RAP1A: variants seen among roughly 807,000 people sequenced by gnomAD.
RAP1A encodes the protein ras-related protein Rap-1A.
In RAP1A, 6 loss-of-function variants were observed where a neutral mutation model predicts 26.4. That is an observed-to-expected ratio of 0.23 (90% confidence interval 0.12 to 0.45). The LOEUF is 0.45. Among genes scored for constraint, RAP1A ranks in the 20% least tolerant of loss-of-function variants. RAP1A has a pLI of 0.99. For missense variants in RAP1A, 121 were observed against 217.2 expected (o/e 0.56, Z 2.78); for synonymous variants, 73 against 79.4 (o/e 0.92, Z 0.43).
At chr1:111,698,942 CTT>C (rs11454898) in intron 4 of RAP1A, among the ~76,000 whole-genome samples, 1 of 147,004 alleles carries the variant, frequency 6.8e-6, no homozygotes, top group Admixed American at 6.8e-5. Context: ...ATACTTTCTG[CTT>C]TTTTTTTTTT....
intron 2 of RAP1A, among the ~76,000 whole-genome samples, chr1:111,692,500 CCT>C (rs1571566036): frequency 1.3e-5 from 2 of 152,066 alleles, no homozygotes; most frequent in Admixed American, 1.3e-4. Flanking sequence ...TCAGCGATTC[CCT>C]CTCTAAAAAT....
intron 1 of RAP1A, among the ~76,000 whole-genome samples, chr1:111,673,535 A>C (rs1347725521): frequency 6.6e-6 from 1 of 152,248 alleles, no homozygotes; most frequent in Non-Finnish European, 1.5e-5. Context: ...TGAAGGAAGA[A>C]TGAAGAGTTA....
chr1:111,558,365 T>C (rs1008311170), intron 1 of RAP1A, among the ~76,000 whole-genome samples: 12 of 143,154 alleles, frequency 8.4e-5, no homozygotes, highest in Admixed American at 6.9e-4. Context: ...TTTTTTTTTT[T>C]GTCTTAAGAC....
intron 1 of RAP1A, among the ~76,000 whole-genome samples, chr1:111,689,369 C>G (rs1180882396): frequency 6.6e-6 from 1 of 151,886 alleles, no homozygotes; most frequent in Non-Finnish European, 1.5e-5. Context: ...CTCTTATTCT[C>G]ATCACATTTG....
intron 1 of RAP1A, among the ~76,000 whole-genome samples, chr1:111,577,055 G>T (rs1658160033): frequency 6.6e-6 from 1 of 152,152 alleles, no homozygotes; most frequent in Non-Finnish European, 1.5e-5. Flanking sequence ...AATACTTGGG[G>T]ATGTTTATGT....
intron 1 of RAP1A, among the ~76,000 whole-genome samples, chr1:111,551,572 A>C (rs750525697): frequency 2.6e-5 from 4 of 152,096 alleles, no homozygotes; most frequent in African/African-American, 4.8e-5. Context: ...TTCTTAATAC[A>C]TTGTTTTTCC....
chr1:111,578,051 T>C (rs191768418), intron 1 of RAP1A, among the ~76,000 whole-genome samples: 3 of 152,200 alleles, frequency 2.0e-5, no homozygotes, highest in Non-Finnish European at 2.9e-5. Flanking sequence ...AATGTCTAAA[T>C]GGACAAGGAG....
rs542619492 is a variant in RAP1A, at chr1:111,573,207, G to A, written c.-28+30698G>A. Among the ~76,000 whole-genome samples the A allele has an allele frequency of 2.2e-4, 34 of 152,292 alleles. No homozygotes were observed. The South Asian group carries it at 5.8e-3, about 26-fold the overall frequency. On this transcript the variant is annotated intron_variant, in intron 1 of 7. Transcript: ENST00000356415. ...TATTGTGAATAGTGCTCCAATGAAT[G>A]TATGTGTGCATGTGTCCTTATGGTG...
rs78173116 is a variant in RAP1A at position 111,609,240 on chromosome 1, G to A, written c.-28+66731G>A. Among the ~76,000 whole-genome samples the A allele has an allele frequency of 8.2e-3, 1,247 of 152,252 alleles. 7 individuals are homozygous for A. The highest frequency in any genetic ancestry group is 0.013 in the Non-Finnish European group (901 of 68,030). ...TACACCTTGAACCCTGGGTGCAGGA[G>A]GCAAGGGAAGGATTTGAGAATGCTT... On this transcript the variant is annotated intron_variant, in intron 1 of 7. Coordinates refer to the RAP1A transcript ENST00000356415.
intron 1 of RAP1A, among the ~76,000 whole-genome samples, chr1:111,575,029 A>C (rs1051460097): frequency 6.6e-6 from 1 of 152,274 alleles, no homozygotes; most frequent in Non-Finnish European, 1.5e-5. Flanking sequence ...AATGCAAGCC[A>C]CATAGTAAAT....
At chr1:111,608,578 G>A (rs1467163119) in intron 1 of RAP1A, 2 of 171,582 alleles carry the variant, frequency 1.2e-5, no homozygotes, top group Non-Finnish European at 2.5e-5. Flanking sequence ...GTAGCCAGCC[G>A]AGATCACGCC....
intron 1 of RAP1A, among the ~76,000 whole-genome samples, chr1:111,581,308 G>T (rs1269985379): frequency 6.6e-6 from 1 of 152,036 alleles, no homozygotes; most frequent in Non-Finnish European, 1.5e-5. Flanking sequence ...TGGAGAGAGG[G>T]AATAACCAAG....
At chr1:111,700,423 A>G (rs1345770281) in intron 4 of RAP1A, among the ~76,000 whole-genome samples, 1 of 152,154 alleles carries the variant, frequency 6.6e-6, no homozygotes, top group African/African-American at 2.4e-5. Flanking sequence ...TGAGCGGGAG[A>G]TGCCACACAC....
intron 1 of RAP1A, among the ~76,000 whole-genome samples, chr1:111,559,687 C>G (rs1490407923): frequency 6.6e-6 from 1 of 152,044 alleles, no homozygotes; most frequent in African/African-American, 2.4e-5. Flanking sequence ...TTAAAACATC[C>G]ATGTTCCTTT....
chr1:111,703,009 C>G (rs377597664), intron 4 of RAP1A, among the ~76,000 whole-genome samples: 1 of 152,110 alleles, frequency 6.6e-6, no homozygotes, highest in East Asian at 1.9e-4. Flanking sequence ...GGGCTTATAC[C>G]TCAGATTGTT....
At chr1:111,595,456 C>T (rs1020244711) in intron 1 of RAP1A, among the ~76,000 whole-genome samples, 1 of 152,170 alleles carries the variant, frequency 6.6e-6, no homozygotes, top group Non-Finnish European at 1.5e-5. Context: ...AGCTCAACAT[C>T]TTCAAGCATC....
chr1:111,556,555 A>C (rs979719021), intron 1 of RAP1A, among the ~76,000 whole-genome samples: 1 of 152,310 alleles, frequency 6.6e-6, no homozygotes, highest in African/African-American at 2.4e-5. Context: ...CATACAATAA[A>C]ATATTATCCA....
intron 1 of RAP1A, among the ~76,000 whole-genome samples, chr1:111,669,043 A>G (rs1053577000): frequency 2.4e-4 from 36 of 151,510 alleles, no homozygotes; most frequent in Non-Finnish European, 4.4e-4. Context: ...AAAAAAAAAA[A>G]AAAAAGAAAG....
At chr1:111,660,119 A>G (rs1660583945) in intron 1 of RAP1A, among the ~76,000 whole-genome samples, 1 of 152,136 alleles carries the variant, frequency 6.6e-6, no homozygotes, top group Non-Finnish European at 1.5e-5. Context: ...AATTCTCTCC[A>G]TTTTTGTTTG....
Sources: gnomAD v4.1 joint callset for allele counts (sites outside exome capture counted in the v4.1 genomes callset) on GRCh38, gnomAD v4.1.1 for gene constraint, MANE v1.5 for transcripts, NCBI Gene and HGNC (gene_info 2026-07-23, HGNC 2026-07-21) for gene names.